The following SH3BP5 variants were observed in gnomAD, a reference collection of about 807,000 sequenced individuals.
SH3BP5 encodes the protein SH3 domain binding protein 5.
SH3BP5 carries 22 observed loss-of-function variants against 43.3 expected under a neutral mutation model. The ratio of observed to expected loss-of-function variants is 0.51; its 90% CI spans 0.36 to 0.73. The LOEUF (loss-of-function observed/expected upper bound fraction) is 0.73. SH3BP5 is among the 30% of genes least tolerant of loss of function. The pLI is 0.00. For synonymous variants in SH3BP5, 255 were observed against 225.8 expected (o/e 1.13, Z -1.16); for missense variants, 529 against 586.9 (o/e 0.90, Z 1.02).
intron 2 of SH3BP5, among the ~76,000 whole-genome samples, chr3:15,318,841 G>A (rs1189590143): frequency 6.6e-6 from 1 of 152,002 alleles, no homozygotes; most frequent in African/African-American, 2.4e-5. Context: ...CAAACTACTG[G>A]GATTATGGGC....
intron 3 of SH3BP5, among the ~76,000 whole-genome samples, chr3:15,296,341 TACAC>T (rs141504303): frequency 1.8e-4 from 27 of 146,252 alleles, no homozygotes; most frequent in African/African-American, 3.8e-4. Context: ...GGAAATCATA[TACAC>T]ACACACACAC....
chr3:15,313,288 A>G (rs983992977), intron 2 of SH3BP5, among the ~76,000 whole-genome samples: 2 of 152,198 alleles, frequency 1.3e-5, no homozygotes, highest in Admixed American at 6.5e-5. Flanking sequence ...ACATGAACCA[A>G]TTTAAAAGAC....
chr3:15,255,705 T>G lies in SH3BP5; in HGVS notation c.*381A>C, dbSNP rs1696169802. 1 of 172,950 alleles carries G rather than the reference T, an allele frequency of 5.8e-6. No homozygotes were observed. The highest frequency in any genetic ancestry group is 2.4e-5 in the African/African-American group (1 of 42,036). The allele number at this position is 172,950 out of a possible 1,614,324, so 10.7% of individuals were successfully genotyped here. On this transcript the variant is annotated 3_prime_UTR_variant, in exon 9 of 9. Coordinates refer to ENST00000383791, the MANE Select transcript of SH3BP5 (RefSeq NM_004844.5). The stretch of plus-strand genomic sequence containing the variant: ...GATAAAGTGGAGAGGACATCTCCAT[T>G]TTCCCATACAAACTGAGGGTGAGAA...
intron 1 of SH3BP5, among the ~76,000 whole-genome samples, chr3:15,338,032 T>A (rs1447101274): frequency 6.6e-6 from 1 of 151,068 alleles, no homozygotes; most frequent in African/African-American, 2.4e-5. Context: ...TTCCTTGCAA[T>A]GCCAATTTTT....
upstream of SH3BP5, among the ~76,000 whole-genome samples, chr3:15,337,285 A>G (rs1051192023): frequency 4.6e-5 from 7 of 151,754 alleles, no homozygotes; most frequent in Non-Finnish European, 8.8e-5. Flanking sequence ...AAGTTTCACC[A>G]TGTTGGCCAG....
intron 3 of SH3BP5, among the ~76,000 whole-genome samples, chr3:15,296,746 C>T (rs542501106): frequency 9.4e-5 from 13 of 138,714 alleles, no homozygotes; most frequent in East Asian, 6.5e-4. Flanking sequence ...CAGACTAGAG[C>T]GCAGTGGTGC....
At chr3:15,287,920 C>G (rs1055151379) in intron 3 of SH3BP5, among the ~76,000 whole-genome samples, 18 of 152,138 alleles carry the variant, frequency 1.2e-4, no homozygotes, top group Non-Finnish European at 2.4e-4. Context: ...ACACTGGAGA[C>G]AGAAGAAATG....
chr3:15,340,588 T>C (rs560613721), intron 1 of SH3BP5, among the ~76,000 whole-genome samples: 1 of 152,010 alleles, frequency 6.6e-6, no homozygotes, highest in African/African-American at 2.4e-5. Context: ...CCGTCTCTAC[T>C]AAAAATACAA....
rs570512263 is a variant in SH3BP5 at position 15,263,943 on chromosome 3, T to TG, written c.496-1655dup. Among the ~76,000 whole-genome samples, 24 of 152,306 alleles carry TG rather than the reference T, an allele frequency of 1.6e-4. 1 individual carries two copies. The highest frequency in any genetic ancestry group is 5.5e-4 in the African/African-American group (23 of 41,566). On this transcript the variant is annotated intron_variant, in intron 4 of 8. Coordinates refer to ENST00000383791, the MANE Select transcript of SH3BP5 (RefSeq NM_004844.5). ...ATCCGAGAGGAGCCCAGAGGGCTCA[T>TG]GGTCACTAGTCAGCTCTCTCAGACC...
chr3:15,312,351 T>C (rs988729148), intron 2 of SH3BP5, among the ~76,000 whole-genome samples: 2 of 152,256 alleles, frequency 1.3e-5, no homozygotes, highest in African/African-American at 4.8e-5. Flanking sequence ...TTTGTTAACA[T>C]GTAATAGGCT....
In SH3BP5 at chr3:15,259,931, A is replaced by G; in HGVS notation, c.627-128T>C. On this transcript the variant is annotated intron_variant, in intron 5 of 8. Coordinates refer to ENST00000383791, the MANE Select transcript of SH3BP5 (RefSeq NM_004844.5). Reference sequence around the variant, plus strand: ...TCCTTCCAATATTTAGTAAACTCTTAACAAGGCCGTGACATGTCAGTGATG... The same window carrying G: ...TCCTTCCAATATTTAGTAAACTCTTGACAAGGCCGTGACATGTCAGTGATG... 3 of 812,056 alleles carry G rather than the reference A, an allele frequency of 3.7e-6. 1 individual carries two copies. In the South Asian group the frequency reaches 4.5e-5, roughly 12 times the overall value. The allele number at this position is 812,056 out of a possible 1,614,324, so 50.3% of individuals were successfully genotyped here.
chr3:15,292,340 A>AG (rs907025033), intron 3 of SH3BP5, among the ~76,000 whole-genome samples: 4 of 152,128 alleles, frequency 2.6e-5, no homozygotes, highest in Non-Finnish European at 4.4e-5. Context: ...AGCAGCACCA[A>AG]GGGGGGCTCA....
At chr3:15,305,268 T>C (rs560858254) in intron 2 of SH3BP5, among the ~76,000 whole-genome samples, 4 of 152,326 alleles carry the variant, frequency 2.6e-5, no homozygotes, top group Admixed American at 1.3e-4. Context: ...ATCAGAGACA[T>C]AGATTCAACA....
intron 4 of SH3BP5, among the ~76,000 whole-genome samples, chr3:15,262,993 A>G (rs780252071): frequency 6.6e-5 from 10 of 152,164 alleles, no homozygotes; most frequent in Non-Finnish European, 1.5e-4. Flanking sequence ...CTATATCTAG[A>G]TATATATTTG....
At chr3:15,320,463 A>C (rs929045401) in intron 2 of SH3BP5, among the ~76,000 whole-genome samples, 1 of 152,136 alleles carries the variant, frequency 6.6e-6, no homozygotes, top group Non-Finnish European at 1.5e-5. Flanking sequence ...GCACTACAAA[A>C]AAGCAGTATA....
intron 3 of SH3BP5, chr3:15,275,601 A>G (rs906249201): frequency 1.3e-5 from 2 of 152,252 alleles, no homozygotes; most frequent in African/African-American, 4.8e-5. Context: ...TAATAGTACT[A>G]AAGAGGAAAA....
intron 3 of SH3BP5, among the ~76,000 whole-genome samples, chr3:15,293,788 G>A (rs531902682): frequency 3.3e-5 from 5 of 152,122 alleles, no homozygotes; most frequent in Admixed American, 3.3e-4. Context: ...AAATAATATC[G>A]TCTTGCAGGC....
chr3:15,274,890 T>C (rs1019890295), intron 3 of SH3BP5, among the ~76,000 whole-genome samples: 3 of 152,184 alleles, frequency 2.0e-5, no homozygotes, highest in South Asian at 2.1e-4. Context: ...TGAGAACTCA[T>C]TGTCCAAACA....
Position 15,255,992 on chromosome 3 carries a change from T to TAAGA in SH3BP5, c.*90_*93dup, listed in dbSNP as rs749510947. 5.8e-6 allele frequency: 6 copies of TAAGA among 1,033,434 alleles called. No homozygotes were observed. The highest frequency in any genetic ancestry group is 8.8e-6 in the Non-Finnish European group (6 of 684,122). 64.0% of individuals were successfully genotyped at this position (1,033,434 alleles called of 1,614,324 possible). A position where few individuals can be genotyped will look rare whatever the true frequency, so the allele number is the denominator to read the frequency against. On this transcript the variant is annotated 3_prime_UTR_variant, in exon 9 of 9. Coordinates refer to ENST00000383791, the MANE Select transcript of SH3BP5 (RefSeq NM_004844.5). ...ATTAGAGCAGTTTAGAGTAGACGTGTAAGATTTGGCATATATTAAATGATT... is the reference window on the plus strand; with the variant it reads ...ATTAGAGCAGTTTAGAGTAGACGTGTAAGAAAGATTTGGCATATATTAAATGATT...
Sources: allele counts gnomAD v4.1 joint callset (sites outside exome capture counted in the v4.1 genomes callset), GRCh38; gene constraint gnomAD v4.1.1; transcripts MANE v1.5; gene names NCBI Gene and HGNC (gene_info 2026-07-23, HGNC 2026-07-21).